TM9SF2: variants seen among roughly 807,000 people sequenced by gnomAD.
TM9SF2 encodes the protein 76 kDa membrane protein.
In TM9SF2, 13 loss-of-function variants were observed where a neutral mutation model predicts 84.9. The observed-to-expected ratio is 0.15, with a 90% CI of 0.10 to 0.24. The LOEUF (loss-of-function observed/expected upper bound fraction) is 0.24. Among genes scored for constraint, TM9SF2 ranks in the 10% least tolerant of loss-of-function variants. TM9SF2 has a pLI of 1.00. For synonymous variants in TM9SF2, 273 were observed against 285.8 expected (o/e 0.96, Z 0.45); for missense variants, 562 against 818.5 (o/e 0.69, Z 3.82).
At chr13:99,555,746 T>C in intron 15 of TM9SF2, 99 bp downstream of exon 15, 1 of 716,858 alleles carries the variant, frequency 1.4e-6, no homozygotes, top group South Asian at 2.5e-5. Flanking sequence ...TGTAGATGTA[T>C]GTTTATTATG....
At chr13:99,542,852 A>G (rs552442471) in intron 9 of TM9SF2, among the ~76,000 whole-genome samples, 1 of 152,224 alleles carries the variant, frequency 6.6e-6, no homozygotes, top group South Asian at 2.1e-4. Flanking sequence ...TGCTTCCACA[A>G]CCCTGTCCTA....
At chr13:99,519,298 T>C (rs1387341409) in intron 2 of TM9SF2, among the ~76,000 whole-genome samples, 1 of 152,068 alleles carries the variant, frequency 6.6e-6, no homozygotes, top group African/African-American at 2.4e-5. Context: ...CCCCAGTTTT[T>C]TTTTTTTTTT....
At chr13:99,503,785 T>C (rs763068951) in intron 1 of TM9SF2, among the ~76,000 whole-genome samples, 69 of 151,552 alleles carry the variant, frequency 4.6e-4, no homozygotes, top group Admixed American at 9.2e-4. Flanking sequence ...GTGAAACTTA[T>C]AGGTGGTCTT....
At chr13:99,553,310 C>G (rs1325565729) in intron 13 of TM9SF2, among the ~76,000 whole-genome samples, 1 of 152,250 alleles carries the variant, frequency 6.6e-6, no homozygotes, top group Non-Finnish European at 1.5e-5. Flanking sequence ...ACAGCCTCCA[C>G]TGCACTTTCA....
intron 1 of TM9SF2, among the ~76,000 whole-genome samples, chr13:99,507,766 A>G (rs2046094740): frequency 6.6e-6 from 1 of 152,158 alleles, no homozygotes; most frequent in African/African-American, 2.4e-5. Flanking sequence ...TCCATATCTC[A>G]AACCCTTTTG....
intron 8 of TM9SF2, 61 bp downstream of exon 8, chr13:99,540,854 C>A: frequency 7.1e-7 from 1 of 1,404,472 alleles, no homozygotes; most frequent in Non-Finnish European, 1.0e-6. Context: ...TCCCTTTGAA[C>A]ATCTCATTTA....
chr13:99,523,844 G>C (rs2046170607), intron 3 of TM9SF2, among the ~76,000 whole-genome samples: 1 of 152,194 alleles, frequency 6.6e-6, no homozygotes, highest in Non-Finnish European at 1.5e-5. Context: ...AATCTGTGAA[G>C]GTGTGTGGGG....
At chr13:99,503,541 T>C (rs954241497) in intron 1 of TM9SF2, among the ~76,000 whole-genome samples, 11 of 151,948 alleles carry the variant, frequency 7.2e-5, no homozygotes, top group Non-Finnish European at 1.5e-4. Flanking sequence ...AAACCGCGTC[T>C]CTACTAAAAA....
rs1174802496 is a variant in TM9SF2, at chr13:99,501,756, A to G, written c.150A>G (p.Glu50=). ...CGCCCGTCAACTTCTGCGACGAAGA[A>G]AAAAAGAGCGACGAGTGCAAGGTGG... ...GLAPVNFCDE[E]KKSDECKAEI... The change falls in exon 1 of 17, where the codon GAA becomes GAG. Residue 50 remains glutamate, a synonymous_variant. Coordinates refer to ENST00000376387, the MANE Select transcript of TM9SF2 (RefSeq NM_004800.3). The G allele has an allele frequency of 1.9e-6, 3 of 1,611,408 alleles. No individual in the cohort carries two copies. The highest frequency in any genetic ancestry group is 2.5e-6 in the Non-Finnish European group (3 of 1,179,490).
intron 1 of TM9SF2, among the ~76,000 whole-genome samples, chr13:99,516,691 T>A (rs1329100340): frequency 6.6e-6 from 1 of 152,214 alleles, no homozygotes; most frequent in Non-Finnish European, 1.5e-5. Context: ...ACCCTGTTGT[T>A]GAGCTTGATC....
chr13:99,547,208 C>A, intron 11 of TM9SF2, 104 bp downstream of exon 11: 1 of 1,506,906 alleles, frequency 6.6e-7, no homozygotes, highest in Non-Finnish European at 9.0e-7. Context: ...AATAGTGTGC[C>A]TCATAGGGGT....
intron 1 of TM9SF2, among the ~76,000 whole-genome samples, chr13:99,515,376 C>T (rs565058812): frequency 7.2e-5 from 11 of 152,280 alleles, no homozygotes; most frequent in Admixed American, 3.3e-4. Flanking sequence ...GTCTTCACAA[C>T]GGTTGTATGT....
intron 15 of TM9SF2, 49 bp from the exon 16 acceptor site, chr13:99,559,314 T>G (rs771918269): frequency 1.5e-5 from 22 of 1,480,522 alleles, no homozygotes; most frequent in Non-Finnish European, 1.8e-5. Context: ...AGCTACATCT[T>G]ATCTATTAAT....
intron 16 of TM9SF2, among the ~76,000 whole-genome samples, chr13:99,561,548 T>G (rs1050810545): frequency 1.3e-4 from 20 of 152,216 alleles, no homozygotes; most frequent in African/African-American, 4.8e-4. Flanking sequence ...GCAAAAGGTA[T>G]ATTTGTATGT....
In TM9SF2 at chr13:99,544,012, A is replaced by G. The variant is rs763445346; in HGVS notation, c.1150+17A>G. 78 of 1,607,482 alleles carry G rather than the reference A, an allele frequency of 4.9e-5. No individual in the cohort carries two copies. Among genetic ancestry groups the G allele is most frequent in the Non-Finnish European group, 6.4e-5 (75 of 1,177,496 alleles). On this transcript the variant is annotated intron_variant, in intron 10 of 16. Coordinates refer to ENST00000376387, the MANE Select transcript of TM9SF2 (RefSeq NM_004800.3). The stretch of plus-strand genomic sequence containing the variant: ...TGACTCTATGTAAGTGTTAACTGAA[A>G]ATTTTCAAGTAGAAAATACTTTCTA...
At chr13:99,502,124 C>T (rs534955962) in intron 1 of TM9SF2, among the ~76,000 whole-genome samples, 1 of 152,316 alleles carries the variant, frequency 6.6e-6, no homozygotes, top group South Asian at 2.1e-4. Context: ...TATGCAGGTC[C>T]ACGCGTGAGT....
chr13:99,558,402 G>A (rs1195662792), intron 15 of TM9SF2, among the ~76,000 whole-genome samples: 1 of 152,212 alleles, frequency 6.6e-6, no homozygotes, highest in Non-Finnish European at 1.5e-5. Context: ...CATTAGATCT[G>A]TAGATCATTT....
intron 14 of TM9SF2, 63 bp downstream of exon 14, chr13:99,554,518 T>A: frequency 6.6e-7 from 1 of 1,519,402 alleles, no homozygotes; most frequent in Non-Finnish European, 8.9e-7. Context: ...CCTTTTTGTT[T>A]GTTTATATGG....
chr13:99,541,379 T>TA (rs2046258990), intron 8 of TM9SF2, among the ~76,000 whole-genome samples, 180 bp from the exon 9 acceptor site: 1 of 152,242 alleles, frequency 6.6e-6, no homozygotes, highest in African/African-American at 2.4e-5. Flanking sequence ...TATAATGTTA[T>TA]TTATCTACTG....
Sources: allele counts gnomAD v4.1 joint callset (sites outside exome capture counted in the v4.1 genomes callset), GRCh38; gene constraint gnomAD v4.1.1; transcripts MANE v1.5; gene names NCBI Gene and HGNC (gene_info 2026-07-23, HGNC 2026-07-21).